The following TMX3 variants were observed in gnomAD, a reference collection of about 807,000 sequenced individuals.
TMX3 encodes the protein thioredoxin related transmembrane protein 3.
TMX3 carries 40 observed loss-of-function variants against 64.4 expected under a neutral mutation model. The ratio of observed to expected loss-of-function variants is 0.62; its 90% CI spans 0.48 to 0.81. TMX3 has a LOEUF of 0.81. Among genes scored for constraint, TMX3 ranks in the 30% least tolerant of loss-of-function variants. The pLI is 0.00. For synonymous variants in TMX3, 189 were observed against 175.7 expected, an observed-to-expected ratio of 1.08 and a Z score of -0.60; for missense variants, 497 against 534.5, an observed-to-expected ratio of 0.93 and a Z score of 0.69.
intron 12 of TMX3, among the ~76,000 whole-genome samples, chr18:68,683,914 ATC>A (rs1036553110): frequency 5.3e-5 from 8 of 152,240 alleles, no homozygotes; most frequent in African/African-American, 1.9e-4. Context: ...ACTGTTGTTG[ATC>A]TCTTACTGTA....
chr18:68,697,070 T>C (rs1915159774), intron 8 of TMX3, 156 bp downstream of exon 8: 2 of 491,830 alleles, frequency 4.1e-6, no homozygotes, highest in South Asian at 6.8e-5. Flanking sequence ...TAGTAAAGAA[T>C]CAGCATGTTT....
In TMX3 at chr18:68,676,988, G is replaced by C. The variant is rs1478322430; in HGVS notation, c.1310C>G (p.Ser437Cys). 1 of 1,613,714 alleles carries C rather than the reference G, an allele frequency of 6.2e-7. No homozygotes were observed. ...GGGCTCCTGCACTGTAGGCACTACA[G>C]ATCCTCCACTGCTGGGCTCCTGCTG... The part of the protein sequence containing the change: ...KEQQEPSSGG[S>C]VVPTVQEPKD... Residue 437 changes from serine to cysteine, a missense_variant, in exon 16 of 16, where the codon TCT (serine) becomes TGT (cysteine). Physicochemically the swap from Ser to Cys is moderately radical, Grantham distance 112 (BLOSUM62 -1). Coordinates refer to ENST00000299608, the MANE Select transcript of TMX3 (RefSeq NM_019022.5).
intron 4 of TMX3, among the ~76,000 whole-genome samples, chr18:68,702,175 CAA>C (rs375234012): frequency 0.048 from 2,103 of 43,836 alleles, 28 homozygotes; most frequent in African/African-American, 0.15. Context: ...TTACTCCTCT[CAA>C]AAAAAAAAAA....
In TMX3 at chr18:68,676,719, G is replaced by A; in HGVS notation, c.*214C>T. 1 of 572,170 alleles carries A rather than the reference G, an allele frequency of 1.7e-6. No individual in the cohort carries two copies. The highest frequency in any genetic ancestry group is 3.0e-6 in the Non-Finnish European group (1 of 329,580). The allele number at this position is 572,170 out of a possible 1,614,324, so 35.4% of individuals were successfully genotyped here. On this transcript the variant is annotated 3_prime_UTR_variant, in exon 16 of 16. Coordinates refer to ENST00000299608, the MANE Select transcript of TMX3 (RefSeq NM_019022.5). ...TCACAAAGATCAGGTAAATTTTGAT[G>A]GAGTGCTCTGTGTTTGTTTCAGACA...
Position 68,677,094 on chromosome 18 carries a change from C to G in TMX3, c.1204G>C (p.Asp402His). 1 of 1,613,834 alleles carries G rather than the reference C, an allele frequency of 6.2e-7. No individual in the cohort carries two copies. Among genetic ancestry groups the G allele is most frequent in the Non-Finnish European group, 8.5e-7 (1 of 1,179,772 alleles). Residue 402 changes from aspartate (D) to histidine (H), a missense_variant, in exon 16 of 16, where the codon GAT becomes CAT. Transcript: ENST00000299608. ...TATCGTTCTTCTATATAACCTCCAT[C>G]TGTGTCGGCTGTGTAGATTCCATAG... is the stretch of plus-strand genomic sequence containing the variant. ...MCYGIYTADT[D>H]GGYIEERYEV...
rs1352855883 is a variant in TMX3, at chr18:68,714,880, C to A, written c.46+56G>T. The A allele has an allele frequency of 1.3e-5, 20 of 1,545,616 alleles. No homozygotes were observed. In the South Asian group the frequency reaches 2.3e-4, roughly 18 times the overall value. ...AGACCCGGGTCCAATCCCGGCCCCA[C>A]GGCGGGGCCAGGTCCCACGCGCCCG... On this transcript the variant is annotated intron_variant, in intron 1 of 15. Transcript: ENST00000299608.
intron 2 of TMX3, among the ~76,000 whole-genome samples, 170 bp from the exon 3 acceptor site, chr18:68,711,573 A>G (rs2031280495): frequency 1.3e-5 from 2 of 152,228 alleles, no homozygotes; most frequent in African/African-American, 4.8e-5. Flanking sequence ...CATCTCAAAG[A>G]TAAAAGCAGA....
At position 68,695,204 on chromosome 18, in the gene TMX3, CTCAT is replaced by C. The variant is rs148589273; in HGVS notation, c.570+2018_570+2021del. The stretch of plus-strand genomic sequence containing the variant: ...GGACACACATTGTGGTTATTTTTCT[CTCAT>C]TATTTTCTTGATCACTTTGCAAAAT... On this transcript the variant is annotated intron_variant, in intron 8 of 15. Coordinates refer to ENST00000299608, the MANE Select transcript of TMX3 (RefSeq NM_019022.5). Among the ~76,000 whole-genome samples, 1,493 of 152,318 alleles carry C rather than the reference CTCAT, an allele frequency of 9.8e-3. 29 individuals carry two copies. The highest frequency in any genetic ancestry group is 0.055 in the East Asian group (286 of 5,170).
intron 8 of TMX3, chr18:68,696,911 A>AC (rs1568192049): frequency 8.2e-6 from 2 of 244,032 alleles, no homozygotes; most frequent in Admixed American, 5.3e-5. Context: ...TACGCACGCA[A>AC]AATAATCCAC....
chr18:68,694,534 G>A (rs1914864694), intron 8 of TMX3, among the ~76,000 whole-genome samples: 1 of 152,150 alleles, frequency 6.6e-6, no homozygotes, highest in South Asian at 2.1e-4. Flanking sequence ...GTCCTTGGCA[G>A]GCACAGGATC....
intron 4 of TMX3, 86 bp downstream of exon 4, chr18:68,709,935 A>C: frequency 7.5e-7 from 1 of 1,332,682 alleles, no homozygotes; most frequent in Middle Eastern, 1.9e-4. Flanking sequence ...TGAGCAAAAA[A>C]AAGTCTTCCT....
intron 9 of TMX3, chr18:68,688,569 A>G (rs901529501): frequency 6.6e-6 from 1 of 152,222 alleles, no homozygotes; most frequent in Non-Finnish European, 1.5e-5. Context: ...ATGGATTTTA[A>G]TGACCTCTTC....
chr18:68,712,286 T>C (rs542846743), intron 2 of TMX3, among the ~76,000 whole-genome samples: 2 of 152,172 alleles, frequency 1.3e-5, no homozygotes, highest in African/African-American at 2.4e-5. Context: ...GCTGAGAATA[T>C]CCTGGCCCAC....
At chr18:68,687,350 A>G in intron 10 of TMX3, 1 of 985,394 alleles carries the variant, frequency 1.0e-6, no homozygotes, top group Non-Finnish European at 1.2e-6. Flanking sequence ...GTTTTATTTT[A>G]ACTCCTATTA....
Position 68,674,311 on chromosome 18 carries a change from T to A in TMX3, c.*2622A>T, listed in dbSNP as rs1250291868. Reference sequence around the variant, plus strand: ...TAATGAAACAAAAAGAATTGCCAGATATAATGTGGTGCACAGGGTACTCGA... The same window carrying A: ...TAATGAAACAAAAAGAATTGCCAGAAATAATGTGGTGCACAGGGTACTCGA... On this transcript the variant is annotated 3_prime_UTR_variant, in exon 16 of 16. Coordinates refer to ENST00000299608, the MANE Select transcript of TMX3 (RefSeq NM_019022.5). 2 of 152,172 alleles carry A rather than the reference T, an allele frequency of 1.3e-5. No individual in the cohort carries two copies. Among genetic ancestry groups the A allele is most frequent in the East Asian group, 3.8e-4 (2 of 5,202 alleles). The allele number at this position is 152,172 out of a possible 1,614,324, so 9.4% of individuals were successfully genotyped here.
At chr18:68,681,179 A>C (rs1434596843) in intron 13 of TMX3, 69 bp from the exon 14 acceptor site, 1 of 1,293,106 alleles carries the variant, frequency 7.7e-7, no homozygotes, top group African/African-American at 1.5e-5. Context: ...ATATTCATTT[A>C]TATCTCAGTA....
At chr18:68,687,976 TA>T (rs1449657363) in intron 9 of TMX3, 12 of 309,934 alleles carry the variant, frequency 3.9e-5, no homozygotes, top group Non-Finnish European at 5.2e-5. Flanking sequence ...AAAAATAGCA[TA>T]AAAATAATTA....
At chr18:68,698,465 T>C (rs1033724895) in intron 6 of TMX3, among the ~76,000 whole-genome samples, 4 of 152,186 alleles carry the variant, frequency 2.6e-5, no homozygotes, top group African/African-American at 9.7e-5. Context: ...ATTAAGAATA[T>C]TTGTATCTTA....
At chr18:68,707,319 A>G (rs1420759796) in intron 4 of TMX3, among the ~76,000 whole-genome samples, 1 of 152,166 alleles carries the variant, frequency 6.6e-6, no homozygotes, top group South Asian at 2.1e-4. Flanking sequence ...TCCATATCCA[A>G]TGAGTAAAAA....
Sources: gnomAD v4.1 joint callset for allele counts (sites outside exome capture counted in the v4.1 genomes callset) on GRCh38, gnomAD v4.1.1 for gene constraint, MANE v1.5 for transcripts, NCBI Gene and HGNC (gene_info 2026-07-23, HGNC 2026-07-21) for gene names.